Variants in EME2 observed in about 807,000 individuals in gnomAD.
The protein encoded by EME2 is essential meiotic structure-specific endonuclease subunit 2, also known as structure-specific endonuclease subunit EME2.
Under a neutral mutation model 41.9 loss-of-function variants are expected in EME2, and 58 were observed. The observed-to-expected ratio is 1.38, with a 90% CI of 1.12 to 1.72. The LOEUF (loss-of-function observed/expected upper bound fraction) is 1.72. Ranked by LOEUF, EME2 falls within the 40% of genes most tolerant of loss-of-function variation. The pLI, the probability that EME2 is intolerant of heterozygous loss-of-function variation, is 0.00. For synonymous variants in EME2, 334 were observed against 239.3 expected (o/e 1.40, Z -3.65); for missense variants, 695 against 541.9 (o/e 1.28, Z -2.81).
In EME2 at chr16:1,775,647, T is replaced by C. The variant is rs773694902; in HGVS notation, c.742T>C (p.Cys248Arg). 3.1e-6 allele frequency: 5 copies of C among 1,612,774 alleles called. No homozygotes were observed. In the East Asian group the frequency reaches 1.1e-4, roughly 36 times the overall value. ...ASWQELSRHV[C>R]AVTKALAQYP... ...TTGGCAGGAGCTGAGTCGGCACGTG[T>C]GCGCCGTTACCAAGGCTCTCGCCCA... The change falls in exon 6 of 8, where the codon TGC (cysteine) becomes CGC (arginine). Residue 248 changes from cysteine to arginine, a missense_variant. Cys to Arg is a radical substitution (Grantham distance 180, BLOSUM62 -3). Transcript: ENST00000568449.
chr16:1,781,601 G>C lies in EME2; in HGVS notation c.*5363G>C. ...ACTCAAAGTGGGGACTGCAGGGGCC[G>C]CACCGGTGCCCAGCCAGGGCTCCAG... On this transcript the variant is annotated 3_prime_UTR_variant, in exon 8 of 8. Coordinates refer to ENST00000568449, the MANE Select transcript of EME2 (RefSeq NM_001257370.2). The C allele has an allele frequency of 8.0e-7, 1 of 1,242,496 alleles. No homozygotes were observed. The highest frequency in any genetic ancestry group is 1.1e-6 in the Non-Finnish European group (1 of 902,252). 77.0% of individuals were successfully genotyped at this position (1,242,496 alleles called of 1,614,324 possible). A position where few individuals can be genotyped will look rare whatever the true frequency, so the allele number is the denominator to read the frequency against.
intron 5 of EME2, 43 bp from the exon 6 acceptor site, chr16:1,775,526 A>G: frequency 6.2e-7 from 1 of 1,605,092 alleles, no homozygotes; most frequent in Non-Finnish European, 8.5e-7. Flanking sequence ...TGTCCCGGGT[A>G]GCCTTCCTCT....
At position 1,777,327 on chromosome 16, in the gene EME2, G is replaced by C. The variant is rs1433277937; in HGVS notation, c.*1089G>C. On this transcript the variant is annotated 3_prime_UTR_variant, in exon 8 of 8. Coordinates refer to ENST00000568449, the MANE Select transcript of EME2 (RefSeq NM_001257370.2). ...AGCTGGCGCAGGCGGTGGCAGCACA[G>C]GTACTGGAGGGAAGTGGCGCTGGCA... The C allele has an allele frequency of 3.7e-6, 6 of 1,609,062 alleles. No individual in the cohort carries two copies. In the South Asian group the frequency reaches 6.6e-5, roughly 18 times the overall value.
rs1040041297 is a variant in EME2 at position 1,773,771 on chromosome 16, G to T, written c.314G>T (p.Arg105Leu). Residue 105 changes from arginine to leucine, a missense_variant, in exon 2 of 8, where the codon CGC becomes CTC. By Grantham distance (102) the Arg-to-Leu change is moderately radical. Transcript: ENST00000568449. Reference protein sequence around the residue: ...EALEALGCECRIEPQRPARSL... With the variant: ...EALEALGCECLIEPQRPARSL... ...CTGGAGGCCCTGGGCTGCGAGTGCC[G>T]CATCGAGCCCCAGCGCCCGGCCCGC... The T allele has an allele frequency of 5.8e-6, 9 of 1,551,020 alleles. No homozygotes were observed. The highest frequency in any genetic ancestry group is 1.4e-5 in the African/African-American group (1 of 73,018).
chr16:1,772,877 C>G lies in EME2; in HGVS notation c.-351C>G. The stretch of plus-strand genomic sequence containing the variant: ...CGTGCTGCCACAGCCAGGACTTGCG[C>G]GTGACCAGGCGGCCCAGGCCGAAGA... On this transcript the variant is annotated 5_prime_UTR_variant, in exon 1 of 8. Transcript: ENST00000568449. 4 of 1,452,734 alleles carry G rather than the reference C, an allele frequency of 2.8e-6. No homozygotes were observed. Among genetic ancestry groups the G allele is most frequent in the Non-Finnish European group, 2.7e-6 (3 of 1,110,134 alleles). The allele number at this position is 1,452,734 out of a possible 1,614,324, so 90.0% of individuals were successfully genotyped here.
intron 3 of EME2, 154 bp from the exon 4 acceptor site, chr16:1,774,887 G>A (rs889396770): frequency 1.4e-6 from 1 of 699,958 alleles, no homozygotes; most frequent in Non-Finnish European, 2.5e-6. Context: ...CACAGAGCTG[G>A]TTTTCTCAGA....
chr16:1,776,363 C>A lies in EME2; in HGVS notation c.*125C>A. 2.2e-6 allele frequency: 2 copies of A among 907,882 alleles called. No homozygotes were observed. The highest frequency in any genetic ancestry group is 3.4e-6 in the Non-Finnish European group (2 of 587,810). The allele number at this position is 907,882 out of a possible 1,614,324, so 56.2% of individuals were successfully genotyped here. A position where few individuals can be genotyped will look rare whatever the true frequency, so the allele number is the denominator to read the frequency against. On this transcript the variant is annotated 3_prime_UTR_variant, in exon 8 of 8. Transcript: ENST00000568449. ...GGGTGGGTTCTCTGGCTGAGCAGGTCTGACCTCAGGGGAAGGGTGGGTGGT... is the reference window on the plus strand; with the variant it reads ...GGGTGGGTTCTCTGGCTGAGCAGGTATGACCTCAGGGGAAGGGTGGGTGGT...
At position 1,774,498 on chromosome 16, in the gene EME2, T is replaced by G. The variant is rs913169580; in HGVS notation, c.477+146T>G. The G allele has an allele frequency of 5.1e-5, 33 of 650,522 alleles. No homozygotes were observed. In the African/African-American group the frequency reaches 5.8e-4, roughly 11 times the overall value. 40.3% of individuals were successfully genotyped at this position (650,522 alleles called of 1,614,324 possible). A position where few individuals can be genotyped will look rare whatever the true frequency, so the allele number is the denominator to read the frequency against. ...AGGACTCCTCTCTGATCCAAAGCCGTAGAGGTTTCTAGGGTGAGATGGAGA... is the reference window on the plus strand; with the variant it reads ...AGGACTCCTCTCTGATCCAAAGCCGGAGAGGTTTCTAGGGTGAGATGGAGA... On this transcript the variant is annotated intron_variant, in intron 3 of 7. Coordinates refer to ENST00000568449, the MANE Select transcript of EME2 (RefSeq NM_001257370.2).
chr16:1,774,702 G>A (rs1036573603), intron 3 of EME2, among the ~76,000 whole-genome samples: 1 of 152,256 alleles, frequency 6.6e-6, no homozygotes, highest in Non-Finnish European at 1.5e-5. Context: ...GGTTAGGCTA[G>A]ACCCCCTGCC....
At chr16:1,773,535 C>T (rs1330817134) in intron 1 of EME2, 61 bp downstream of exon 1, 35 of 1,536,832 alleles carry the variant, frequency 2.3e-5, no homozygotes, top group East Asian at 4.8e-5. Context: ...CCAGGCGGCG[C>T]CCTCTGTCCG....
At position 1,777,866 on chromosome 16, in the gene EME2, A is replaced by C. The variant is rs2042737322; in HGVS notation, c.*1628A>C. On this transcript the variant is annotated 3_prime_UTR_variant, in exon 8 of 8. Transcript: ENST00000568449. ...GCTGGTCTTGTCGCCCTTGTGGTGG[A>C]GGAGGCCTGGGGGCAGCCAGGGTCG... 1 of 1,612,052 alleles carries C rather than the reference A, an allele frequency of 6.2e-7. No individual in the cohort carries two copies. Among genetic ancestry groups the C allele is most frequent in the African/African-American group, 1.3e-5 (1 of 74,884 alleles).
rs2042710657 is a variant in EME2, at chr16:1,776,207, A to G, written c.1109A>G (p.Asn370Ser). Reference protein sequence around the residue: ...RRICLFLTTANPDLLLDLGS With the variant: ...RRICLFLTTASPDLLLDLGS ...ATCTGCCTCTTCCTGACCACAGCCA[A>G]CCCTGATCTCCTGCTGGACCTGGGC... Residue 370 changes from asparagine to serine, a missense_variant, in exon 8 of 8, where the codon AAC (asparagine) becomes AGC (serine). Asn to Ser is a conservative substitution (Grantham distance 46). Coordinates refer to ENST00000568449, the MANE Select transcript of EME2 (RefSeq NM_001257370.2). 1 of 1,612,372 alleles carries G rather than the reference A, an allele frequency of 6.2e-7. No individual in the cohort carries two copies. The highest frequency in any genetic ancestry group is 1.7e-5 in the Admixed American group (1 of 59,994).
Position 1,776,448 on chromosome 16 carries a change from G to A in EME2, c.*210G>A, listed in dbSNP as rs951164281. On this transcript the variant is annotated 3_prime_UTR_variant, in exon 8 of 8. Transcript: ENST00000568449. ...GGCTTCTGGCTGGCAGATGGCTGGC[G>A]GTTCCTGTGCTGAGTCCTGAACACG... 5 of 568,286 alleles carry A rather than the reference G, an allele frequency of 8.8e-6. No homozygotes were observed. Among genetic ancestry groups the A allele is most frequent in the African/African-American group, 1.9e-5 (1 of 52,616 alleles). 35.2% of individuals were successfully genotyped at this position (568,286 alleles called of 1,614,324 possible).
Position 1,778,892 on chromosome 16 carries a change from C to T in EME2, c.*2654C>T, listed in dbSNP as rs535686201. The T allele has an allele frequency of 5.9e-5, 21 of 357,412 alleles. No homozygotes were observed. Among genetic ancestry groups the T allele is most frequent in the Middle Eastern group, 7.0e-4 (1 of 1,428 alleles). The allele number at this position is 357,412 out of a possible 1,614,324, so 22.1% of individuals were successfully genotyped here. Reference sequence around the variant, plus strand: ...AAGTGGTTTCTAGACGGTGGATAAGCCCCAGGTCCACCCCACCTGCCCAGA... The same window carrying T: ...AAGTGGTTTCTAGACGGTGGATAAGTCCCAGGTCCACCCCACCTGCCCAGA... On this transcript the variant is annotated 3_prime_UTR_variant, in exon 8 of 8. Transcript: ENST00000568449.
chr16:1,781,551 A>G lies in EME2; in HGVS notation c.*5313A>G. ...AAGACTCACAGCACTCCCAGCCCTG[A>G]GCTTCCAGGCTGGGCCACGGACCCA... is the stretch of plus-strand genomic sequence containing the variant. On this transcript the variant is annotated 3_prime_UTR_variant, in exon 8 of 8. Transcript: ENST00000568449. 4 of 1,570,108 alleles carry G rather than the reference A, an allele frequency of 2.5e-6. No homozygotes were observed. Among genetic ancestry groups the G allele is most frequent in the South Asian group, 2.3e-5 (2 of 85,564 alleles).
chr16:1,774,236 C>G, intron 2 of EME2, 24 bp from the exon 3 acceptor site: 2 of 1,603,522 alleles, frequency 1.2e-6, no homozygotes, highest in South Asian at 1.1e-5. Context: ...AGACAGGCAG[C>G]AGCGCGTCCC....
At position 1,773,254 on chromosome 16, in the gene EME2, G is replaced by A. The variant is rs2042653058; in HGVS notation, c.27G>A (p.Ala9=). The A allele has an allele frequency of 6.9e-6, 10 of 1,452,982 alleles. No individual in the cohort carries two copies. Among genetic ancestry groups the A allele is most frequent in the Admixed American group, 2.6e-5 (1 of 38,000 alleles). The allele number at this position is 1,452,982 out of a possible 1,614,324, so 90.0% of individuals were successfully genotyped here. Residue 9 remains alanine (A), a synonymous_variant, in exon 1 of 8, where the codon GCG becomes GCA. Transcript: ENST00000568449. MARVGPGR[A]GVSCQGRGRG... ...TGGCGCGGGTTGGACCCGGGAGGGC[G>A]GGGGTCTCTTGCCAGGGCCGGGGCC...
chr16:1,778,290 C>CT lies in EME2; in HGVS notation c.*2054dup, dbSNP rs1285308740. ...CACAGCTCAGCAGGGTGGCTGATGA[C>CT]TTATTTAAGTCATCCCAGACCCAGT... On this transcript the variant is annotated 3_prime_UTR_variant, in exon 8 of 8. Transcript: ENST00000568449. 2 of 1,612,612 alleles carry CT rather than the reference C, an allele frequency of 1.2e-6. No homozygotes were observed. The highest frequency in any genetic ancestry group is 1.7e-6 in the Non-Finnish European group (2 of 1,179,984).
At position 1,775,103 on chromosome 16, in the gene EME2, G is replaced by A. The variant is rs763591397; in HGVS notation, c.540G>A (p.Leu180=). 5 of 1,611,122 alleles carry A rather than the reference G, an allele frequency of 3.1e-6. No individual in the cohort carries two copies. The highest frequency in any genetic ancestry group is 1.7e-5 in the Admixed American group (1 of 60,010). Residue 180 remains leucine (L), a synonymous_variant, in exon 4 of 8, where the codon CTG becomes CTA. Coordinates refer to ENST00000568449, the MANE Select transcript of EME2 (RefSeq NM_001257370.2). ...ISPETTARPH[L]AVIGLDAYLW... The stretch of plus-strand genomic sequence containing the variant: ...CCGAGACCACCGCCCGGCCCCACCT[G>A]GCTGTCATCGGGCTGGATGCCTACC...
Sources: gnomAD v4.1 joint callset for allele counts (sites outside exome capture counted in the v4.1 genomes callset) on GRCh38, gnomAD v4.1.1 for gene constraint, MANE v1.5 for transcripts, NCBI Gene and HGNC (gene_info 2026-07-23, HGNC 2026-07-21) for gene names.